Variants in NDUFAF2 observed in about 807,000 individuals in gnomAD.
NDUFAF2 encodes the protein NADH:ubiquinone oxidoreductase complex assembly factor 2.
Under a neutral mutation model 22.8 loss-of-function variants are expected in NDUFAF2, and 13 were observed. The ratio of observed to expected loss-of-function variants is 0.57; its 90% CI spans 0.37 to 0.91. The LOEUF (loss-of-function observed/expected upper bound fraction) is 0.91. Among genes scored for constraint, NDUFAF2 ranks in the 40% least tolerant of loss-of-function variants. The pLI is 0.01. For missense variants in NDUFAF2, 162 were observed against 195.2 expected, an observed-to-expected ratio of 0.83 and a Z score of 1.01; for synonymous variants, 53 against 64.2, an observed-to-expected ratio of 0.83 and a Z score of 0.84.
intron 3 of NDUFAF2, among the ~76,000 whole-genome samples, chr5:61,119,980 T>C (rs189758740): frequency 2.0e-5 from 3 of 152,310 alleles, no homozygotes; most frequent in African/African-American, 7.2e-5. Flanking sequence ...ATCCTATGTC[T>C]GGCTGCACAA....
At chr5:61,069,907 G>T (rs1752274681) in intron 1 of NDUFAF2, among the ~76,000 whole-genome samples, 1 of 151,846 alleles carries the variant, frequency 6.6e-6, no homozygotes, top group Non-Finnish European at 1.5e-5. Context: ...TTTTTTTAAA[G>T]TTTGGAAAAA....
chr5:61,018,537 T>G (rs1751540360), intron 1 of NDUFAF2, among the ~76,000 whole-genome samples: 3 of 152,324 alleles, frequency 2.0e-5, no homozygotes, highest in African/African-American at 7.2e-5. Flanking sequence ...TCATCAAATT[T>G]TATTAATGTT....
In NDUFAF2 at chr5:61,134,543, G is replaced by A. The variant is rs557030776; in HGVS notation, c.259-18161G>A. 1.7e-4 allele frequency among the ~76,000 whole-genome samples: 26 copies of A among 152,152 alleles called. No individual in the cohort carries two copies. The South Asian group carries it at 2.9e-3, about 17-fold the overall frequency. On this transcript the variant is annotated intron_variant, in intron 3 of 3. Transcript: ENST00000296597. ...TACTAAAAATACAAAAAAATTAGCC[G>A]GACGTGGTGGCACGTGCCTGTAGTC...
intron 1 of NDUFAF2, among the ~76,000 whole-genome samples, chr5:61,012,352 T>C (rs1034203249): frequency 6.6e-6 from 1 of 152,164 alleles, no homozygotes; most frequent in Non-Finnish European, 1.5e-5. Flanking sequence ...TTTTTACATG[T>C]TTAAAATTAA....
At chr5:61,125,806 G>T (rs572679913) in intron 3 of NDUFAF2, among the ~76,000 whole-genome samples, 1 of 152,134 alleles carries the variant, frequency 6.6e-6, no homozygotes, top group Non-Finnish European at 1.5e-5. Flanking sequence ...TATAGGCCAA[G>T]TCTTTTGATT....
At chr5:61,124,443 T>C (rs957624284) in intron 3 of NDUFAF2, among the ~76,000 whole-genome samples, 2 of 152,056 alleles carry the variant, frequency 1.3e-5, no homozygotes, top group African/African-American at 4.8e-5. Context: ...TTTGGACATA[T>C]TACTCTCATG....
intron 1 of NDUFAF2, among the ~76,000 whole-genome samples, chr5:61,010,758 A>C (rs1014300282): frequency 6.6e-6 from 1 of 152,168 alleles, no homozygotes; most frequent in Non-Finnish European, 1.5e-5. Context: ...ACATATTGCC[A>C]TATAGCAAAT....
At chr5:61,144,713 C>T (rs1741110776) in intron 3 of NDUFAF2, among the ~76,000 whole-genome samples, 1 of 152,134 alleles carries the variant, frequency 6.6e-6, no homozygotes, top group South Asian at 2.1e-4. Flanking sequence ...ACTTATCTTC[C>T]AGTCATGATA....
chr5:61,138,364 G>T (rs570367474), intron 3 of NDUFAF2, among the ~76,000 whole-genome samples: 1 of 152,268 alleles, frequency 6.6e-6, no homozygotes, highest in East Asian at 1.9e-4. Flanking sequence ...TTTAGTGCTA[G>T]GTAAATGTAG....
chr5:60,952,577 A>T (rs937770883), intron 1 of NDUFAF2, among the ~76,000 whole-genome samples: 31 of 152,070 alleles, frequency 2.0e-4, no homozygotes, highest in Admixed American at 2.0e-3. Context: ...TTTTAAATGT[A>T]TTGTAAATTG....
At chr5:61,007,989 C>T (rs1023082306) in intron 1 of NDUFAF2, among the ~76,000 whole-genome samples, 1 of 152,020 alleles carries the variant, frequency 6.6e-6, no homozygotes, top group Non-Finnish European at 1.5e-5. Context: ...ATGATGATTT[C>T]ATGTCCTTTG....
intron 1 of NDUFAF2, among the ~76,000 whole-genome samples, chr5:60,982,535 G>A (rs187671446): frequency 6.9e-6 from 1 of 144,236 alleles, no homozygotes; most frequent in Admixed American, 6.9e-5. Flanking sequence ...ATCTCCTAAT[G>A]CTATCCCTCC....
chr5:60,947,087 A>C (rs1049889470), intron 1 of NDUFAF2, among the ~76,000 whole-genome samples: 3 of 152,188 alleles, frequency 2.0e-5, no homozygotes, highest in African/African-American at 7.2e-5. Flanking sequence ...AAACATTCCC[A>C]TACAGGATTT....
chr5:61,112,705 A>G (rs971316437), intron 3 of NDUFAF2, among the ~76,000 whole-genome samples: 19 of 151,964 alleles, frequency 1.3e-4, no homozygotes, highest in East Asian at 7.7e-4. Context: ...TTAATTCATC[A>G]GCTAATTTGT....
chr5:60,977,711 C>A (rs1396844592), intron 1 of NDUFAF2, among the ~76,000 whole-genome samples: 1 of 151,960 alleles, frequency 6.6e-6, no homozygotes, highest in African/African-American at 2.4e-5. Context: ...GTGGCACACG[C>A]CTGTAATCCC....
intron 3 of NDUFAF2, among the ~76,000 whole-genome samples, chr5:61,150,612 AG>A (rs1209631965): frequency 1.3e-5 from 2 of 152,202 alleles, no homozygotes; most frequent in African/African-American, 4.8e-5. Context: ...CTGCAACTAT[AG>A]AGGTGACATA....
intron 1 of NDUFAF2, among the ~76,000 whole-genome samples, chr5:60,966,281 A>G (rs1185381995): frequency 6.6e-6 from 1 of 152,072 alleles, no homozygotes; most frequent in African/African-American, 2.4e-5. Context: ...ACCCTTTATC[A>G]GGTGTACAGT....
At chr5:60,966,282 G>A (rs1750757753) in intron 1 of NDUFAF2, among the ~76,000 whole-genome samples, 1 of 152,056 alleles carries the variant, frequency 6.6e-6, no homozygotes, top group African/African-American at 2.4e-5. Flanking sequence ...CCCTTTATCA[G>A]GTGTACAGTT....
At chr5:60,967,530 G>A (rs1273576524) in intron 1 of NDUFAF2, among the ~76,000 whole-genome samples, 2 of 151,302 alleles carry the variant, frequency 1.3e-5, no homozygotes, top group African/African-American at 4.9e-5. Flanking sequence ...CTAATTTGTT[G>A]GAAGTTTTTT....
Sources: allele counts gnomAD v4.1 joint callset (sites outside exome capture counted in the v4.1 genomes callset), GRCh38; gene constraint gnomAD v4.1.1; transcripts MANE v1.5; gene names NCBI Gene and HGNC (gene_info 2026-07-23, HGNC 2026-07-21).